SVOP: variants seen among roughly 807,000 people sequenced by gnomAD.
SVOP encodes the protein SV2 related protein, also known as synaptic vesicle 2-related protein.
A neutral mutation model predicts 69.1 loss-of-function variants in SVOP; 17 were observed. The ratio of observed to expected loss-of-function variants is 0.25; its 90% CI spans 0.17 to 0.37. The LOEUF is 0.37. SVOP is among the 10% of genes least tolerant of loss of function. The probability of loss-of-function intolerance (pLI) is 1.00; values close to 1 mark genes in which losing one functional copy is unlikely to be tolerated. For missense variants in SVOP, 435 were observed against 597.5 expected, an observed-to-expected ratio of 0.73 and a Z score of 2.84; for synonymous variants, 238 against 238.6, an observed-to-expected ratio of 1.00 and a Z score of 0.02.
At chr12:108,972,604 G>A (rs1418558133) in intron 4 of SVOP, 128 bp from the exon 5 acceptor site, 1 of 957,730 alleles carries the variant, frequency 1.0e-6, no homozygotes, top group East Asian at 2.6e-5. Context: ...CTGAGAGCCT[G>A]CCAAGGGGCA....
At chr12:109,008,963 T>TC (rs71443825) in intron 1 of SVOP, among the ~76,000 whole-genome samples, 46 of 141,104 alleles carry the variant, frequency 3.3e-4, no homozygotes, top group Non-Finnish European at 5.6e-4. Context: ...TTTCTTTCTT[T>TC]TTTTTTTTTT....
Position 108,918,046 on chromosome 12 carries a change from A to G in SVOP, c.1347T>C (p.Pro449=). 1 of 1,575,076 alleles carries G rather than the reference A, an allele frequency of 6.3e-7. No homozygotes were observed. Among genetic ancestry groups the G allele is most frequent in the African/African-American group, 1.4e-5 (1 of 74,016 alleles). The change falls in exon 14 of 16, where the codon CCT becomes CCC. Residue 449 remains proline (P), a synonymous_variant. Transcript: ENST00000610966. ...GGFQAAYVYT[P]EVYPTATRAL... Reference sequence around the variant, plus strand: ...AGCTCCCAGACACCCCTCCTACCTCAGGTGTGTAAACATATGCCGCTTGAA... The same window carrying G: ...AGCTCCCAGACACCCCTCCTACCTCGGGTGTGTAAACATATGCCGCTTGAA...
intron 6 of SVOP, among the ~76,000 whole-genome samples, chr12:108,945,852 A>G (rs2039919473): frequency 1.3e-5 from 2 of 152,200 alleles, no homozygotes; most frequent in South Asian, 4.1e-4. Flanking sequence ...CACTGGTGAC[A>G]TTAATTTTCA....
rs1192942723 is a variant in SVOP at position 108,909,458 on chromosome 12, T to C, written c.*3077A>G. 2.7e-5 allele frequency: 4 copies of C among 148,454 alleles called. No homozygotes were observed. The highest frequency in any genetic ancestry group is 2.7e-4 in the Admixed American group (4 of 14,898). 9.2% of individuals were successfully genotyped at this position (148,454 alleles called of 1,614,324 possible). On this transcript the variant is annotated 3_prime_UTR_variant, in exon 16 of 16. Coordinates refer to ENST00000610966, the MANE Select transcript of SVOP (RefSeq NM_018711.5). The stretch of plus-strand genomic sequence containing the variant: ...TTGAACCTGGGAGACAGAGTTGCAG[T>C]GAGCTGAGACTTCATCTCAAAAAAA...
chr12:108,937,383 G>A (rs771631040), intron 9 of SVOP, 46 bp from the exon 10 acceptor site: 26 of 1,588,738 alleles, frequency 1.6e-5, no homozygotes, highest in Non-Finnish European at 2.1e-5. Context: ...CCCTACAGAT[G>A]CACGGGAGAT....
intron 13 of SVOP, 87 bp from the exon 14 acceptor site, chr12:108,918,211 C>T (rs1451490494): frequency 1.8e-6 from 2 of 1,103,078 alleles, no homozygotes; most frequent in Non-Finnish European, 2.5e-6. Context: ...GTATCAATGC[C>T]CTAGCAATTG....
At chr12:108,955,291 G>A (rs1450961938) in intron 6 of SVOP, among the ~76,000 whole-genome samples, 1 of 152,244 alleles carries the variant, frequency 6.6e-6, no homozygotes, top group African/African-American at 2.4e-5. Flanking sequence ...CAGCCACGAG[G>A]GGAAAACGGT....
At chr12:108,976,702 G>A (rs1326686330) in intron 4 of SVOP, among the ~76,000 whole-genome samples, 1 of 150,972 alleles carries the variant, frequency 6.6e-6, no homozygotes, top group African/African-American at 2.4e-5. Flanking sequence ...TGCAACCTCT[G>A]CCTCCCGGAT....
At chr12:108,993,460 C>T (rs996404592) in intron 1 of SVOP, among the ~76,000 whole-genome samples, 2 of 151,856 alleles carry the variant, frequency 1.3e-5, no homozygotes, top group African/African-American at 2.4e-5. Context: ...CAACAAATAT[C>T]GAAAGAGCAC....
intron 1 of SVOP, among the ~76,000 whole-genome samples, chr12:109,015,507 T>C (rs1205761290): frequency 6.6e-6 from 1 of 152,094 alleles, no homozygotes; most frequent in African/African-American, 2.4e-5. Flanking sequence ...AAAGGATTTC[T>C]TGATGGACTG....
At chr12:108,954,501 C>T (rs556988314) in intron 6 of SVOP, among the ~76,000 whole-genome samples, 3 of 152,268 alleles carry the variant, frequency 2.0e-5, no homozygotes, top group Admixed American at 1.3e-4. Flanking sequence ...CTCCTAGCTC[C>T]TCTATGTCCT....
chr12:109,003,027 A>C (rs529362500), intron 1 of SVOP, among the ~76,000 whole-genome samples: 1 of 152,094 alleles, frequency 6.6e-6, no homozygotes, highest in East Asian at 1.9e-4. Context: ...AAAAACAAGA[A>C]ATGCAGAGTC....
At chr12:109,007,477 G>A (rs1334104153) in intron 1 of SVOP, among the ~76,000 whole-genome samples, 2 of 152,128 alleles carry the variant, frequency 1.3e-5, no homozygotes, top group East Asian at 1.9e-4. Context: ...GAACTTCTGG[G>A]TATAAGAAAG....
At chr12:109,007,598 G>A (rs1380558846) in intron 1 of SVOP, among the ~76,000 whole-genome samples, 1 of 152,212 alleles carries the variant, frequency 6.6e-6, no homozygotes, top group Non-Finnish European at 1.5e-5. Flanking sequence ...GAGAGGCACT[G>A]CAACAGAGGC....
In SVOP at chr12:108,934,298, AG is replaced by A. The variant is rs754428469; in HGVS notation, c.972-28del. On this transcript the variant is annotated intron_variant, in intron 10 of 15. Coordinates refer to ENST00000610966, the MANE Select transcript of SVOP (RefSeq NM_018711.5). ...TGCCAGGAGAAAGCAAGAAAGGTAA[AG>A]AAATGATCAGAGGAACACCAGTCCC... The A allele has an allele frequency of 4.5e-6, 7 of 1,568,114 alleles. 1 individual carries two copies. The East Asian group carries it at 1.6e-4, about 36-fold the overall frequency.
intron 1 of SVOP, among the ~76,000 whole-genome samples, chr12:109,013,099 T>C (rs1328280369): frequency 6.6e-6 from 1 of 152,218 alleles, no homozygotes; most frequent in African/African-American, 2.4e-5. Flanking sequence ...CATGAAGTGT[T>C]CCTAATCATT....
At chr12:108,971,112 C>A (rs771944138) in intron 5 of SVOP, among the ~76,000 whole-genome samples, 6 of 151,850 alleles carry the variant, frequency 4.0e-5, no homozygotes, top group Non-Finnish European at 8.8e-5. Context: ...CTTCTTTATA[C>A]GTATTAGGAA....
Position 108,981,901 on chromosome 12 carries a change from G to A in SVOP, c.196+1700C>T, listed in dbSNP as rs1200559183. On this transcript the variant is annotated intron_variant, in intron 2 of 15. Transcript: ENST00000610966. ...CCCCACCATCAGCACTATCACCATCGTCTTCACTATCAGCATCACCACCAC... is the reference window on the plus strand; with the variant it reads ...CCCCACCATCAGCACTATCACCATCATCTTCACTATCAGCATCACCACCAC... 4.6e-5 allele frequency among the ~76,000 whole-genome samples: 7 copies of A among 151,476 alleles called. No individual in the cohort carries two copies. In the South Asian group the frequency reaches 6.3e-4, roughly 14 times the overall value.
intron 5 of SVOP, among the ~76,000 whole-genome samples, chr12:108,967,648 C>A (rs1407121157): frequency 6.6e-6 from 1 of 152,192 alleles, no homozygotes; most frequent in African/African-American, 2.4e-5. Flanking sequence ...GTTTCTCAAC[C>A]TCAGCACCGC....
Sources: gnomAD v4.1 joint callset for allele counts (sites outside exome capture counted in the v4.1 genomes callset) on GRCh38, gnomAD v4.1.1 for gene constraint, MANE v1.5 for transcripts, NCBI Gene and HGNC (gene_info 2026-07-23, HGNC 2026-07-21) for gene names.